SEL1L2: variants seen among roughly 807,000 people sequenced by gnomAD.
SEL1L2 encodes the protein SEL1L2 adaptor subunit of SYVN1 ubiquitin ligase.
Under a neutral mutation model 98.8 loss-of-function variants are expected in SEL1L2, and 89 were observed. The ratio of observed to expected loss-of-function variants is 0.90; its 90% confidence interval spans 0.76 to 1.07. The LOEUF (loss-of-function observed/expected upper bound fraction) is 1.07, where lower values mean the gene tolerates loss of function less well. Among genes scored for constraint, SEL1L2 ranks in the 50% least tolerant of loss-of-function variants. The pLI is 0.00. For missense variants in SEL1L2, 788 were observed against 812.0 expected, an observed-to-expected ratio of 0.97 and a Z score of 0.36; for synonymous variants, 262 against 278.5, an observed-to-expected ratio of 0.94 and a Z score of 0.59.
In SEL1L2 at chr20:13,917,290, A is replaced by G. The variant is rs376926367; in HGVS notation, c.386+1731T>C. 1.7e-4 allele frequency among the ~76,000 whole-genome samples: 26 copies of G among 152,110 alleles called. No individual in the cohort carries two copies. The South Asian group carries it at 2.9e-3, about 17-fold the overall frequency. On this transcript the variant is annotated intron_variant, in intron 4 of 19. Coordinates refer to ENST00000284951, the MANE Select transcript of SEL1L2 (RefSeq NM_025229.2). Reference sequence around the variant, plus strand: ...GGCTGGATTGTATTTTTGGGATCTGATTTTACCCCTTCCTCATTATAACAG... The same window carrying G: ...GGCTGGATTGTATTTTTGGGATCTGGTTTTACCCCTTCCTCATTATAACAG...
At chr20:13,889,655 G>A (rs1159426405) in intron 5 of SEL1L2, among the ~76,000 whole-genome samples, 5 of 152,172 alleles carry the variant, frequency 3.3e-5, no homozygotes, top group South Asian at 2.1e-4. Context: ...GCTGGGCGTG[G>A]TAGCGGGGGC....
chr20:13,913,699 C>T (rs1274464989), intron 5 of SEL1L2, 83 bp downstream of exon 5: 1 of 1,242,230 alleles, frequency 8.1e-7, no homozygotes, highest in African/African-American at 1.6e-5. Flanking sequence ...AGCTGGAATA[C>T]TATTGCTCAA....
At chr20:13,904,947 T>A (rs2047856039) in intron 5 of SEL1L2, among the ~76,000 whole-genome samples, 2 of 152,204 alleles carry the variant, frequency 1.3e-5, no homozygotes, top group South Asian at 4.1e-4. Flanking sequence ...TGGCAAACTA[T>A]TTGGCCTGAT....
intron 18 of SEL1L2, among the ~76,000 whole-genome samples, chr20:13,850,564 A>G (rs1471325786): frequency 6.6e-6 from 1 of 152,186 alleles, no homozygotes; most frequent in African/African-American, 2.4e-5. Context: ...TGAGGGACTC[A>G]ACTTGCCATT....
At position 13,931,593 on chromosome 20, in the gene SEL1L2, T is replaced by C; in HGVS notation, c.283+10A>G. 2 of 1,323,368 alleles carry C rather than the reference T, an allele frequency of 1.5e-6. No homozygotes were observed. The highest frequency in any genetic ancestry group is 2.8e-4 in the Middle Eastern group (1 of 3,568). The allele number at this position is 1,323,368 out of a possible 1,614,324, so 82.0% of individuals were successfully genotyped here. A position where few individuals can be genotyped will look rare whatever the true frequency, so the allele number is the denominator to read the frequency against. ...TTTTAAATTTACATGTGAAAAGATA[T>C]TCTACTTACAATGATTCTTATTTCT... On this transcript the variant is annotated intron_variant, in intron 3 of 19. Coordinates refer to ENST00000284951, the MANE Select transcript of SEL1L2 (RefSeq NM_025229.2).
intron 2 of SEL1L2, among the ~76,000 whole-genome samples, chr20:13,933,412 T>C (rs1433305820): frequency 3.3e-5 from 5 of 151,920 alleles, no homozygotes; most frequent in African/African-American, 9.7e-5. Flanking sequence ...GCTATCACCT[T>C]CCCTGTACTC....
chr20:13,954,085 G>T (rs774213347), intron 2 of SEL1L2, among the ~76,000 whole-genome samples: 2 of 151,826 alleles, frequency 1.3e-5, no homozygotes, highest in African/African-American at 2.4e-5. Flanking sequence ...AGTTTTTGTC[G>T]GGGAATGGAG....
chr20:13,964,125 C>T (rs1305771614), intron 1 of SEL1L2, among the ~76,000 whole-genome samples: 7 of 151,998 alleles, frequency 4.6e-5, no homozygotes, highest in African/African-American at 9.7e-5. Context: ...CCACCCGCCT[C>T]GGCCTCCCAA....
intron 2 of SEL1L2, among the ~76,000 whole-genome samples, chr20:13,946,668 T>G (rs868664776): frequency 5.9e-5 from 9 of 152,218 alleles, no homozygotes; most frequent in African/African-American, 2.2e-4. Flanking sequence ...CCCACCTTCC[T>G]GGGCACAGCT....
At chr20:13,983,658 A>C (rs1410965373) in intron 1 of SEL1L2, among the ~76,000 whole-genome samples, 1 of 151,974 alleles carries the variant, frequency 6.6e-6, no homozygotes, top group Admixed American at 6.6e-5. Context: ...AGTAGCTGGG[A>C]TTACAGGCAT....
upstream of SEL1L2, among the ~76,000 whole-genome samples, chr20:13,992,417 T>G (rs1483298033): frequency 1.3e-5 from 2 of 151,982 alleles, no homozygotes; most frequent in African/African-American, 4.8e-5. Context: ...GGCAGGAGAA[T>G]TGCTTGAACC....
chr20:13,920,322 T>C (rs2048601573), intron 3 of SEL1L2, among the ~76,000 whole-genome samples: 1 of 151,936 alleles, frequency 6.6e-6, no homozygotes, highest in African/African-American at 2.4e-5. Flanking sequence ...AGAATACTCA[T>C]GATAACTTGC....
chr20:13,927,384 C>A (rs1424561744), intron 3 of SEL1L2, among the ~76,000 whole-genome samples: 4 of 152,134 alleles, frequency 2.6e-5, no homozygotes, highest in Admixed American at 6.6e-5. Context: ...TGCCTTTAAG[C>A]TATGGGGGTA....
intron 1 of SEL1L2, among the ~76,000 whole-genome samples, chr20:13,987,439 G>C (rs1192923543): frequency 6.6e-6 from 1 of 151,574 alleles, no homozygotes; most frequent in Non-Finnish European, 1.5e-5. Context: ...TCTGCCTCCG[G>C]GGTTCAAGCG....
intron 5 of SEL1L2, among the ~76,000 whole-genome samples, chr20:13,901,132 G>T (rs1278308137): frequency 6.9e-6 from 1 of 145,480 alleles, no homozygotes; most frequent in African/African-American, 2.6e-5. Flanking sequence ...GTGCAGTGGC[G>T]CGATCTCGGC....
At chr20:13,899,347 C>A (rs1365940117) in intron 5 of SEL1L2, among the ~76,000 whole-genome samples, 1 of 152,124 alleles carries the variant, frequency 6.6e-6, no homozygotes, top group African/African-American at 2.4e-5. Flanking sequence ...TAAATGCTCT[C>A]AGTTTACTAA....
At chr20:13,907,700 CTCTTTCTTTCTTTCTTTCTTTCTTTCTT>C (rs10665105) in intron 5 of SEL1L2, among the ~76,000 whole-genome samples, 3 of 125,556 alleles carry the variant, frequency 2.4e-5, no homozygotes, top group African/African-American at 6.3e-5. Context: ...TTCTTTCTTT[CTCTTTCTTTCTTTCTTTCTTTCTTTCTT>C]TCTTTCTTTC....
chr20:13,914,090 T>C (rs1414474080), intron 4 of SEL1L2, 146 bp from the exon 5 acceptor site: 1 of 641,128 alleles, frequency 1.6e-6, no homozygotes, highest in Non-Finnish European at 2.5e-6. Context: ...TCTAGATCAG[T>C]AGATTTTTTT....
chr20:13,894,635 A>T (rs1047448886), intron 5 of SEL1L2, among the ~76,000 whole-genome samples: 1 of 152,186 alleles, frequency 6.6e-6, no homozygotes, highest in African/African-American at 2.4e-5. Context: ...AATAGAGAAG[A>T]CTCAACAAAA....
Sources: allele counts gnomAD v4.1 joint callset (sites outside exome capture counted in the v4.1 genomes callset), GRCh38; gene constraint gnomAD v4.1.1; transcripts MANE v1.5; gene names NCBI Gene and HGNC (gene_info 2026-07-23, HGNC 2026-07-21).